Variants in ESRRB observed in about 807,000 individuals in gnomAD.
The protein encoded by ESRRB is steroid hormone receptor ERR2.
Under a neutral mutation model 46.0 loss-of-function variants are expected in ESRRB, and 16 were observed. The observed-to-expected ratio is 0.35, with a 90% confidence interval of 0.24 to 0.53. The LOEUF (loss-of-function observed/expected upper bound fraction) is 0.53, where lower values mean the gene tolerates loss of function less well. ESRRB is among the 20% of genes least tolerant of loss of function. The probability of loss-of-function intolerance (pLI) is 0.93; values close to 1 mark genes in which losing one functional copy is unlikely to be tolerated. For missense variants in ESRRB, 488 were observed against 607.4 expected (o/e 0.80, Z 2.07); for synonymous variants, 246 against 259.6 (o/e 0.95, Z 0.50).
At chr14:76,338,645 T>A (rs569789463) in intron 1 of ESRRB, among the ~76,000 whole-genome samples, 14 of 152,332 alleles carry the variant, frequency 9.2e-5, no homozygotes, top group Middle Eastern at 3.4e-3. Context: ...TTTCTTTTTT[T>A]AAAGAATAGA....
chr14:76,375,616 C>T (rs2139787707), upstream of ESRRB, among the ~76,000 whole-genome samples: 1 of 152,310 alleles, frequency 6.6e-6, no homozygotes, highest in Non-Finnish European at 1.5e-5. Context: ...GGAAGGGAAT[C>T]TGTTTCTCTC....
chr14:76,332,782 T>TA (rs1884045665), intron 1 of ESRRB, among the ~76,000 whole-genome samples: 3 of 16,130 alleles, frequency 1.9e-4, no homozygotes, highest in African/African-American at 5.2e-4. Context: ...ATATTATATA[T>TA]TATATATAAA....
intron 5 of ESRRB, among the ~76,000 whole-genome samples, chr14:76,490,560 T>G (rs879153179): frequency 6.6e-6 from 1 of 152,200 alleles, no homozygotes; most frequent in African/African-American, 2.4e-5. Context: ...TTTGGAGAAG[T>G]TGCATGGTTT....
chr14:76,406,527 C>T (rs990576518), intron 1 of ESRRB, among the ~76,000 whole-genome samples: 6 of 152,076 alleles, frequency 3.9e-5, no homozygotes, highest in South Asian at 2.1e-4. Context: ...AGGTGGATCA[C>T]GAGGTCAGGA....
chr14:76,333,761 C>T (rs925015502), intron 1 of ESRRB, among the ~76,000 whole-genome samples: 9 of 152,010 alleles, frequency 5.9e-5, no homozygotes, highest in Non-Finnish European at 1.5e-5. Flanking sequence ...ACTTTACCTT[C>T]TTTTTCTTGT....
intron 3 of ESRRB, among the ~76,000 whole-genome samples, chr14:76,468,080 C>T (rs1387959890): frequency 1.3e-5 from 2 of 152,112 alleles, no homozygotes; most frequent in African/African-American, 4.8e-5. Context: ...GTGTTAGTGG[C>T]CAGCTCATGT....
intron 1 of ESRRB, among the ~76,000 whole-genome samples, chr14:76,414,263 G>T (rs1050491030): frequency 7.5e-6 from 1 of 132,968 alleles, no homozygotes; most frequent in Non-Finnish European, 1.6e-5. Flanking sequence ...GACCACAGGG[G>T]TTCAAATAAA....
At chr14:76,468,671 C>T (rs919641102) in intron 3 of ESRRB, among the ~76,000 whole-genome samples, 3 of 152,062 alleles carry the variant, frequency 2.0e-5, no homozygotes, top group African/African-American at 7.2e-5. Flanking sequence ...TACTTAAACC[C>T]CTGTAAGCCT....
chr14:76,481,977 G>A, intron 3 of ESRRB, 39 bp from the exon 4 acceptor site: 1 of 1,587,150 alleles, frequency 6.3e-7, no homozygotes. Flanking sequence ...TGGTGATGTT[G>A]AACAACTGCT....
intron 1 of ESRRB, among the ~76,000 whole-genome samples, chr14:76,355,582 GA>G (rs1401804433): frequency 1.3e-5 from 2 of 152,152 alleles, no homozygotes; most frequent in East Asian, 3.9e-4. Context: ...CACTTAAAAA[GA>G]AAAATCAGAT....
At chr14:76,441,489 T>C (rs553652223) in intron 2 of ESRRB, among the ~76,000 whole-genome samples, 1 of 152,118 alleles carries the variant, frequency 6.6e-6, no homozygotes, top group Non-Finnish European at 1.5e-5. Flanking sequence ...TAATTTTATT[T>C]TTAATAGAGA....
chr14:76,447,286 C>CTTCT (rs1888193184), intron 2 of ESRRB, among the ~76,000 whole-genome samples: 1 of 102,374 alleles, frequency 9.8e-6, no homozygotes, highest in South Asian at 2.8e-4. Context: ...TCCTTCCTTC[C>CTTCT]TTCCTTCCTT....
chr14:76,317,666 G>A (rs556711286), intron 1 of ESRRB, among the ~76,000 whole-genome samples: 11 of 152,290 alleles, frequency 7.2e-5, no homozygotes, highest in South Asian at 2.1e-4. Context: ...TCCGGTAGTC[G>A]GAAGGATGGC....
At chr14:76,397,641 G>C (rs540848398) in intron 1 of ESRRB, among the ~76,000 whole-genome samples, 1 of 152,176 alleles carries the variant, frequency 6.6e-6, no homozygotes, top group Non-Finnish European at 1.5e-5. Context: ...ATGGTGGCTC[G>C]TGCTTCTAAT....
At chr14:76,428,221 C>G (rs1402030616) in intron 1 of ESRRB, among the ~76,000 whole-genome samples, 2 of 152,124 alleles carry the variant, frequency 1.3e-5, no homozygotes, top group Non-Finnish European at 2.9e-5. Context: ...TGGTCTCGAA[C>G]TCCCGACCTC....
intron 1 of ESRRB, among the ~76,000 whole-genome samples, chr14:76,361,701 CA>C (rs1306657723): frequency 6.6e-6 from 1 of 152,172 alleles, no homozygotes; most frequent in Non-Finnish European, 1.5e-5. Context: ...AGTGAAGACT[CA>C]AAACCAACCC....
At position 76,500,870 on chromosome 14, in the gene ESRRB, T is replaced by C; in HGVS notation, c.*2412T>C. On this transcript the variant is annotated 3_prime_UTR_variant, in exon 7 of 7. Coordinates refer to ENST00000644823, the MANE Select transcript of ESRRB (RefSeq NM_001379180.1). ...TTGGTGTCCATGAGGTGGAAGCTGC[T>C]TTTATACTTAAAACTCAGATCACAA... 1.2e-6 allele frequency: 1 copy of C among 803,942 alleles called. No homozygotes were observed. Among genetic ancestry groups the C allele is most frequent in the East Asian group, 2.5e-5 (1 of 40,438 alleles). 49.8% of individuals were successfully genotyped at this position (803,942 alleles called of 1,614,324 possible). A position where few individuals can be genotyped will look rare whatever the true frequency, so the allele number is the denominator to read the frequency against.
Position 76,439,594 on chromosome 14 carries a change from A to G in ESRRB, c.304A>G (p.Ser102Gly). The part of the protein sequence containing the change: ...PCRKSYEDCA[S>G]GIMEDSAIKC... ...CCGCAAGAGCTACGAGGACTGTGCC[A>G]GCGGCATCATGGAGGACTCGGCCAT... Residue 102 changes from serine to glycine, a missense_variant, in exon 2 of 7, where the codon AGC becomes GGC. Coordinates refer to ENST00000644823, the MANE Select transcript of ESRRB (RefSeq NM_001379180.1). 6.2e-7 allele frequency: 1 copy of G among 1,614,210 alleles called. No homozygotes were observed. Among genetic ancestry groups the G allele is most frequent in the Admixed American group, 1.7e-5 (1 of 60,034 alleles).
chr14:76,382,528 C>G (rs1171885028), intron 1 of ESRRB, among the ~76,000 whole-genome samples: 2 of 152,238 alleles, frequency 1.3e-5, no homozygotes, highest in Non-Finnish European at 2.9e-5. Flanking sequence ...TTGGGCCATT[C>G]TGTTCCAGGT....
Sources: gnomAD v4.1 joint callset for allele counts (sites outside exome capture counted in the v4.1 genomes callset) on GRCh38, gnomAD v4.1.1 for gene constraint, MANE v1.5 for transcripts, NCBI Gene and HGNC (gene_info 2026-07-23, HGNC 2026-07-21) for gene names.